The following NPR3 variants were observed in gnomAD, a reference collection of about 807,000 sequenced individuals.
NPR3 encodes natriuretic peptide receptor 3, also known as atrial natriuretic peptide receptor 3.
Under a neutral mutation model 54.5 loss-of-function variants are expected in NPR3, and 34 were observed. That is an observed-to-expected ratio of 0.62 (90% CI 0.47 to 0.83). The LOEUF is 0.83. Ranked by LOEUF, NPR3 falls within the 40% of genes least tolerant of loss-of-function variation. The pLI, the probability that NPR3 is intolerant of heterozygous loss-of-function variation, is 0.00. For synonymous variants in NPR3, 289 were observed against 297.1 expected (o/e 0.97, Z 0.28); for missense variants, 674 against 720.8 (o/e 0.94, Z 0.74).
At chr5:32,752,308 G>A (rs1042726331) in intron 3 of NPR3, among the ~76,000 whole-genome samples, 10 of 152,164 alleles carry the variant, frequency 6.6e-5, no homozygotes, top group South Asian at 2.1e-4. Context: ...GGGAGGTGAC[G>A]TTATTTGAAA....
At chr5:32,720,669 C>T (rs544609376) in intron 1 of NPR3, among the ~76,000 whole-genome samples, 20 of 152,182 alleles carry the variant, frequency 1.3e-4, no homozygotes, top group South Asian at 6.2e-4. Flanking sequence ...TTTAACAATG[C>T]GACCCAAAAT....
intron 3 of NPR3, among the ~76,000 whole-genome samples, chr5:32,768,605 T>C (rs1741596140): frequency 6.6e-6 from 1 of 152,156 alleles, no homozygotes; most frequent in Non-Finnish European, 1.5e-5. Flanking sequence ...GTTGTCCCTG[T>C]CATTACAGGA....
intron 1 of NPR3, among the ~76,000 whole-genome samples, chr5:32,698,926 G>A (rs1740600585): frequency 6.6e-6 from 1 of 151,598 alleles, no homozygotes; most frequent in Non-Finnish European, 1.5e-5. Flanking sequence ...AATCCATTCA[G>A]CCAGTTTATG....
chr5:32,718,769 A>C (rs1442913028), intron 1 of NPR3, among the ~76,000 whole-genome samples: 6 of 152,224 alleles, frequency 3.9e-5, no homozygotes, highest in Non-Finnish European at 8.8e-5. Flanking sequence ...GGGGTTTTCT[A>C]AATATACAGT....
intron 2 of NPR3, among the ~76,000 whole-genome samples, chr5:32,736,432 A>G (rs182854553): frequency 4.6e-5 from 7 of 152,238 alleles, no homozygotes. Context: ...AAGTCTGTAG[A>G]GTTAAGCATT....
intron 2 of NPR3, among the ~76,000 whole-genome samples, chr5:32,728,851 A>C (rs1181952890): frequency 7.5e-5 from 9 of 119,452 alleles, no homozygotes; most frequent in Non-Finnish European, 1.5e-4. Context: ...ATATATATAT[A>C]TATATATATA....
At chr5:32,729,271 C>T (rs369840729) in intron 2 of NPR3, among the ~76,000 whole-genome samples, 44 of 151,932 alleles carry the variant, frequency 2.9e-4, no homozygotes, top group African/African-American at 8.9e-4. Flanking sequence ...CCTCGTGATC[C>T]GCCCACCTCG....
intron 1 of NPR3, among the ~76,000 whole-genome samples, chr5:32,713,748 A>T (rs1258999881): frequency 6.6e-6 from 1 of 152,238 alleles, no homozygotes; most frequent in East Asian, 1.9e-4. Context: ...GGAACAGGTG[A>T]GAGTGGACAG....
At chr5:32,771,353 G>T (rs984501910) in intron 3 of NPR3, among the ~76,000 whole-genome samples, 9 of 152,160 alleles carry the variant, frequency 5.9e-5, no homozygotes, top group African/African-American at 2.2e-4. Context: ...TAAATTTTGC[G>T]ATCCATTTGC....
At chr5:32,717,527 A>G (rs910620360) in intron 1 of NPR3, among the ~76,000 whole-genome samples, 3 of 152,086 alleles carry the variant, frequency 2.0e-5, no homozygotes, top group African/African-American at 7.2e-5. Context: ...TTGTTTCCTG[A>G]CTTTTTAATG....
At chr5:32,715,318 C>T (rs1738489169) in intron 1 of NPR3, among the ~76,000 whole-genome samples, 1 of 152,168 alleles carries the variant, frequency 6.6e-6, no homozygotes, top group Non-Finnish European at 1.5e-5. Flanking sequence ...GAGAGTTCCT[C>T]CCTCTTTTGG....
chr5:32,711,881 C>A lies in NPR3; in HGVS notation c.105C>A (p.Gly35=). The change falls in exon 1 of 8, where the codon GGC becomes GGA. Residue 35 remains glycine, a synonymous_variant. Transcript: ENST00000265074. The part of the protein sequence containing the change: ...GGGGVGGGGG[G]AGIGGGRQER... ...GTGGCGTTGGCGGCGGCGGCGGTGG[C>A]GCGGGCATAGGCGGCGGACGCCAGG... The A allele has an allele frequency of 6.8e-7, 1 of 1,465,468 alleles. No individual in the cohort carries two copies. Among genetic ancestry groups the A allele is most frequent in the South Asian group, 1.5e-5 (1 of 68,734 alleles). The allele number at this position is 1,465,468 out of a possible 1,614,324, so 90.8% of individuals were successfully genotyped here.
intron 3 of NPR3, among the ~76,000 whole-genome samples, chr5:32,752,131 G>A (rs1740608978): frequency 1.3e-5 from 2 of 152,140 alleles, no homozygotes; most frequent in South Asian, 4.1e-4. Flanking sequence ...TTGAACCCAG[G>A]AGGTGGAGGT....
At chr5:32,737,362 C>T (rs1739805033) in intron 2 of NPR3, among the ~76,000 whole-genome samples, 1 of 152,190 alleles carries the variant, frequency 6.6e-6, no homozygotes, top group Admixed American at 6.5e-5. Context: ...AATCTCAGGA[C>T]CTTGCATAGT....
intron 1 of NPR3, among the ~76,000 whole-genome samples, chr5:32,701,784 C>G (rs1234356668): frequency 6.6e-6 from 1 of 152,230 alleles, no homozygotes; most frequent in African/African-American, 2.4e-5. Flanking sequence ...TATATAGGTA[C>G]TGCCTTGGTG....
chr5:32,763,466 C>T (rs149015245), intron 3 of NPR3, among the ~76,000 whole-genome samples: 404 of 149,540 alleles, frequency 2.7e-3, no homozygotes, highest in African/African-American at 9.6e-3. Flanking sequence ...ATGGCCACCT[C>T]GCTCAGCTAA....
chr5:32,719,416 A>G (rs112330381), intron 1 of NPR3, among the ~76,000 whole-genome samples: 30 of 152,306 alleles, frequency 2.0e-4, no homozygotes, highest in African/African-American at 7.2e-4. Flanking sequence ...ACCTTTACAC[A>G]TAGTTATAGT....
At chr5:32,691,307 A>G (rs1402612640) in intron 1 of NPR3, among the ~76,000 whole-genome samples, 1 of 152,146 alleles carries the variant, frequency 6.6e-6, no homozygotes, top group Non-Finnish European at 1.5e-5. Context: ...TTGTTTTTGG[A>G]CACTATGCAT....
Position 32,789,197 on chromosome 5 carries a change from CATTG to C in NPR3, c.*2855_*2858del. 3.9e-6 allele frequency: 1 copy of C among 254,422 alleles called. No homozygotes were observed. The highest frequency in any genetic ancestry group is 7.9e-6 in the Non-Finnish European group (1 of 127,062). 15.8% of individuals were successfully genotyped at this position (254,422 alleles called of 1,614,324 possible). On this transcript the variant is annotated 3_prime_UTR_variant, in exon 8 of 8. Transcript: ENST00000265074. ...TCTCATCCAGTCAAACTTCAGCTGA[CATTG>C]ATACAGGTCAAAATGCGTAGATGCT...
Sources: allele counts gnomAD v4.1 joint callset (sites outside exome capture counted in the v4.1 genomes callset), GRCh38; gene constraint gnomAD v4.1.1; transcripts MANE v1.5; gene names NCBI Gene and HGNC (gene_info 2026-07-23, HGNC 2026-07-21).